Variants in CDH18 observed in about 807,000 individuals in gnomAD.
The protein encoded by CDH18 is cadherin 18.
In CDH18, 31 loss-of-function variants were observed where a neutral mutation model predicts 67.9. The ratio of observed to expected loss-of-function variants is 0.46; its 90% CI spans 0.34 to 0.62. The LOEUF (loss-of-function observed/expected upper bound fraction) is 0.62, where lower values mean the gene tolerates loss of function less well. Among genes scored for constraint, CDH18 ranks in the 20% least tolerant of loss-of-function variants. The probability of loss-of-function intolerance (pLI) is 0.01; values close to 1 mark genes in which losing one functional copy is unlikely to be tolerated. For synonymous variants in CDH18, 362 were observed against 347.2 expected (o/e 1.04, Z -0.48); for missense variants, 890 against 975.5 (o/e 0.91, Z 1.17).
rs76982797 is a variant in CDH18, at chr5:20,464,691, T to C, written c.-580+110771A>G. 4.1e-4 allele frequency among the ~76,000 whole-genome samples: 63 copies of C among 152,274 alleles called. 1 individual carries two copies. In the East Asian group the frequency reaches 0.011, roughly 27 times the overall value. ...ATCTATATTCCAAATTCTGATAGTA[T>C]TAAAGTTCCATTCTGATCCCAGGTA... On this transcript the variant is annotated intron_variant, in intron 1 of 14. Coordinates refer to the CDH18 transcript ENST00000507958.
chr5:20,479,703 G>C (rs1197090292), intron 1 of CDH18, among the ~76,000 whole-genome samples: 1 of 152,110 alleles, frequency 6.6e-6, no homozygotes, highest in Non-Finnish European at 1.5e-5. Context: ...TAGAGAGAGA[G>C]AGACGGGGGT....
chr5:19,821,741 C>G (rs538125214), intron 3 of CDH18, among the ~76,000 whole-genome samples: 2 of 152,118 alleles, frequency 1.3e-5, no homozygotes. Flanking sequence ...CAAAGGGAAC[C>G]CCATCAGGCT....
chr5:19,887,700 G>C (rs908447339), intron 2 of CDH18, among the ~76,000 whole-genome samples: 11 of 150,964 alleles, frequency 7.3e-5, no homozygotes, highest in African/African-American at 2.7e-4. Context: ...TCCCAATGTG[G>C]CTGTGACCAC....
chr5:20,468,117 T>A (rs1751786984), intron 1 of CDH18, among the ~76,000 whole-genome samples: 1 of 151,984 alleles, frequency 6.6e-6, no homozygotes, highest in Non-Finnish European at 1.5e-5. Flanking sequence ...CAGGTTCAAG[T>A]GAATCTCCTG....
At chr5:19,830,398 A>G (rs989947344) in intron 3 of CDH18, among the ~76,000 whole-genome samples, 1 of 152,130 alleles carries the variant, frequency 6.6e-6, no homozygotes, top group African/African-American at 2.4e-5. Context: ...GACATTTTCA[A>G]AAGAAGACAT....
chr5:19,947,823 C>T (rs1324939681), intron 2 of CDH18, among the ~76,000 whole-genome samples: 2 of 151,754 alleles, frequency 1.3e-5, no homozygotes, highest in Admixed American at 6.6e-5. Flanking sequence ...TGTTAGCAGG[C>T]TAAAGAGACA....
At chr5:19,681,253 T>C (rs1326412569) in intron 5 of CDH18, among the ~76,000 whole-genome samples, 2 of 151,516 alleles carry the variant, frequency 1.3e-5, no homozygotes, top group South Asian at 2.1e-4. Flanking sequence ...AAGGTGGGAG[T>C]AGACAGAGGA....
At chr5:20,206,535 A>G (rs574395370) in intron 2 of CDH18, among the ~76,000 whole-genome samples, 1 of 152,002 alleles carries the variant, frequency 6.6e-6, no homozygotes, top group African/African-American at 2.4e-5. Flanking sequence ...AGAAAAAAGA[A>G]AAGTATAGGT....
Position 19,839,107 on chromosome 5 carries a change from T to C in CDH18, c.-121A>G. Reference sequence around the variant, plus strand: ...GAAGGACAGTCCAAAGTAAATTGTTTAGCGTGTCCATGATTTAACTGTCCA... The same window carrying C: ...GAAGGACAGTCCAAAGTAAATTGTTCAGCGTGTCCATGATTTAACTGTCCA... On this transcript the variant is annotated 5_prime_UTR_variant, in exon 3 of 13. Coordinates refer to ENST00000382275, the MANE Select transcript of CDH18 (RefSeq NM_004934.5). 1 of 703,812 alleles carries C rather than the reference T, an allele frequency of 1.4e-6. No individual in the cohort carries two copies. Among genetic ancestry groups the C allele is most frequent in the Non-Finnish European group, 2.5e-6 (1 of 406,244 alleles). The allele number at this position is 703,812 out of a possible 1,614,324, so 43.6% of individuals were successfully genotyped here.
intron 11 of CDH18, among the ~76,000 whole-genome samples, chr5:19,495,632 C>G (rs1489108372): frequency 6.9e-6 from 1 of 145,324 alleles, no homozygotes; most frequent in Non-Finnish European, 1.5e-5. Flanking sequence ...CCCAGCTACT[C>G]GGCTTGAACC....
At chr5:19,915,148 T>C (rs978187315) in intron 2 of CDH18, among the ~76,000 whole-genome samples, 1 of 152,176 alleles carries the variant, frequency 6.6e-6, no homozygotes, top group African/African-American at 2.4e-5. Context: ...TGCCTGAATC[T>C]GTCTTTGATT....
At chr5:20,314,794 A>G (rs906193626) in intron 1 of CDH18, among the ~76,000 whole-genome samples, 1 of 152,102 alleles carries the variant, frequency 6.6e-6, no homozygotes, top group African/African-American at 2.4e-5. Flanking sequence ...GAATTCTACA[A>G]ACTAATACAT....
chr5:19,590,860 A>C (rs1744995800), intron 7 of CDH18, among the ~76,000 whole-genome samples, 197 bp downstream of exon 7: 1 of 152,088 alleles, frequency 6.6e-6, no homozygotes, highest in Admixed American at 6.6e-5. Context: ...AGATCTTCCC[A>C]CCGCAGCAAA....
intron 2 of CDH18, among the ~76,000 whole-genome samples, chr5:20,131,530 C>T (rs931554291): frequency 6.6e-6 from 1 of 151,922 alleles, no homozygotes; most frequent in Non-Finnish European, 1.5e-5. Context: ...AAACAAATTG[C>T]AGGTAATAGC....
At chr5:20,118,416 A>G (rs951624314) in intron 2 of CDH18, among the ~76,000 whole-genome samples, 7 of 152,122 alleles carry the variant, frequency 4.6e-5, no homozygotes, top group Non-Finnish European at 4.4e-5. Context: ...AAGCACTCCA[A>G]TCTCACTTTT....
chr5:20,209,506 T>C lies in CDH18; in HGVS notation c.-518+45938A>G, dbSNP rs534952602. On this transcript the variant is annotated intron_variant, in intron 2 of 14. Coordinates refer to the CDH18 transcript ENST00000507958. ...GTGAAATAAGCTAAGCACAGAAAGA[T>C]AGATGTGGTCACTCATACGTGGGAG... is the stretch of plus-strand genomic sequence containing the variant. Among the ~76,000 whole-genome samples, 7 of 152,110 alleles carry C rather than the reference T, an allele frequency of 4.6e-5. No homozygotes were observed. In the East Asian group the frequency reaches 1.4e-3, roughly 29 times the overall value.
At chr5:20,563,566 A>T (rs1245767417) in intron 1 of CDH18, among the ~76,000 whole-genome samples, 1 of 152,070 alleles carries the variant, frequency 6.6e-6, no homozygotes, top group Non-Finnish European at 1.5e-5. Context: ...TTTTTATTAT[A>T]CTTTAAGTTC....
intron 2 of CDH18, among the ~76,000 whole-genome samples, chr5:20,172,224 G>A (rs10462059): frequency 0.25 from 4,460 of 18,066 alleles, 203 homozygotes; most frequent in Non-Finnish European, 0.28. Context: ...ATATATATAT[G>A]TATATATATA....
chr5:20,417,411 A>G (rs1005005911), intron 1 of CDH18, among the ~76,000 whole-genome samples: 7 of 152,186 alleles, frequency 4.6e-5, no homozygotes, highest in African/African-American at 1.7e-4. Context: ...GCAAAGATAG[A>G]AAAAGTATAT....
Sources: allele counts gnomAD v4.1 joint callset (sites outside exome capture counted in the v4.1 genomes callset), GRCh38; gene constraint gnomAD v4.1.1; transcripts MANE v1.5; gene names NCBI Gene and HGNC (gene_info 2026-07-23, HGNC 2026-07-21).